The following AHCYL2 variants were observed in gnomAD, a reference collection of about 807,000 sequenced individuals.
AHCYL2 encodes the protein S-adenosylhomocysteine hydrolase-like protein 2.
AHCYL2 carries 28 observed loss-of-function variants against 81.4 expected under a neutral mutation model. The observed-to-expected ratio is 0.34, with a 90% confidence interval of 0.25 to 0.47. The LOEUF (loss-of-function observed/expected upper bound fraction) is 0.47. Among genes scored for constraint, AHCYL2 ranks in the 20% least tolerant of loss-of-function variants. AHCYL2 has a pLI of 1.00. For missense variants in AHCYL2, 551 were observed against 785.1 expected (o/e 0.70, Z 3.56); for synonymous variants, 272 against 290.2 (o/e 0.94, Z 0.64).
At chr7:129,226,358 T>G (rs775318087) in intron 1 of AHCYL2, among the ~76,000 whole-genome samples, 1 of 152,216 alleles carries the variant, frequency 6.6e-6, no homozygotes, top group Non-Finnish European at 1.5e-5. Flanking sequence ...AAGCTTGTCT[T>G]TCTTTCTCTC....
chr7:129,413,491 C>T (rs1175599533), intron 11 of AHCYL2, 103 bp from the exon 12 acceptor site: 1 of 963,666 alleles, frequency 1.0e-6, no homozygotes, highest in Non-Finnish European at 1.6e-6. Context: ...GTAAGAATTC[C>T]TTATAACAAG....
chr7:129,362,413 C>T (rs541712296), intron 1 of AHCYL2, among the ~76,000 whole-genome samples: 9 of 152,174 alleles, frequency 5.9e-5, no homozygotes, highest in African/African-American at 2.2e-4. Flanking sequence ...AAGGGCTCAA[C>T]AATGCCGGTG....
chr7:129,427,162 A>C lies in AHCYL2; in HGVS notation c.*117A>C, dbSNP rs1270605550. ...CCAATCAAAGCTGCCTGCCGTGCTC[A>C]CCCTGTGTGTTAGGTTATTTATTTA... On this transcript the variant is annotated 3_prime_UTR_variant, in exon 17 of 17. Coordinates refer to ENST00000325006, the MANE Select transcript of AHCYL2 (RefSeq NM_015328.4). The surrounding 1 kb of genome is among the most constrained non-coding windows in gnomAD (Gnocchi z 5.5). 9.4e-7 allele frequency: 1 copy of C among 1,059,724 alleles called. No homozygotes were observed. The highest frequency in any genetic ancestry group is 1.4e-6 in the Non-Finnish European group (1 of 703,776). 65.6% of individuals were successfully genotyped at this position (1,059,724 alleles called of 1,614,324 possible).
intron 1 of AHCYL2, among the ~76,000 whole-genome samples, chr7:129,271,089 G>A (rs899883937): frequency 1.3e-4 from 20 of 151,940 alleles, no homozygotes; most frequent in Admixed American, 1.2e-3. Flanking sequence ...TGGGCCGGGC[G>A]TGGTGGCTCA....
At chr7:129,408,863 AG>A (rs1460263106) in intron 10 of AHCYL2, among the ~76,000 whole-genome samples, 1 of 152,186 alleles carries the variant, frequency 6.6e-6, no homozygotes, top group Non-Finnish European at 1.5e-5. Flanking sequence ...CAAGGGGTAT[AG>A]AGTTTTAAGA....
At chr7:129,422,068 T>C (rs995758446) in intron 12 of AHCYL2, among the ~76,000 whole-genome samples, 4 of 152,230 alleles carry the variant, frequency 2.6e-5, no homozygotes, top group Admixed American at 2.6e-4. Flanking sequence ...AGAAAGAAGG[T>C]GTTGTCTTAA....
chr7:129,303,246 G>A (rs369880525), intron 1 of AHCYL2, among the ~76,000 whole-genome samples: 5 of 152,142 alleles, frequency 3.3e-5, no homozygotes, highest in Non-Finnish European at 2.9e-5. Context: ...TGATCTGCCC[G>A]CCTTGGCCTC....
chr7:129,342,778 AC>A (rs1218057713), intron 1 of AHCYL2, among the ~76,000 whole-genome samples: 1 of 152,022 alleles, frequency 6.6e-6, no homozygotes, highest in African/African-American at 2.4e-5. Flanking sequence ...CTCCCTACTC[AC>A]CTCTGTTCAC....
chr7:129,299,633 T>G (rs888901466), intron 1 of AHCYL2, among the ~76,000 whole-genome samples: 33 of 151,974 alleles, frequency 2.2e-4, no homozygotes, highest in Non-Finnish European at 4.7e-4. Flanking sequence ...TACCTCGTGA[T>G]CCACCCGCCT....
intron 1 of AHCYL2, among the ~76,000 whole-genome samples, chr7:129,364,140 G>A (rs1794024840): frequency 6.6e-6 from 1 of 151,994 alleles, no homozygotes; most frequent in African/African-American, 2.4e-5. Flanking sequence ...TCAGGAGGTT[G>A]AGGTGGCAGG....
At chr7:129,413,819 C>G in intron 12 of AHCYL2, 131 bp downstream of exon 12, 2 of 702,708 alleles carry the variant, frequency 2.8e-6, no homozygotes, top group Non-Finnish European at 4.9e-6. Context: ...CATCTTTTCA[C>G]TTACTAGCCC....
intron 1 of AHCYL2, among the ~76,000 whole-genome samples, chr7:129,259,935 G>T (rs13244886): frequency 0.025 from 3,757 of 152,140 alleles, 77 homozygotes; most frequent in Admixed American, 0.057. Context: ...AACTAGCTGG[G>T]CATGGTGGCA....
At chr7:129,238,703 G>A (rs754990512) in intron 1 of AHCYL2, among the ~76,000 whole-genome samples, 1 of 152,176 alleles carries the variant, frequency 6.6e-6, no homozygotes, top group Non-Finnish European at 1.5e-5. Context: ...TGCAATCCCA[G>A]CACTTTGGGA....
At chr7:129,327,009 A>G (rs1009434816) in intron 1 of AHCYL2, among the ~76,000 whole-genome samples, 2 of 152,200 alleles carry the variant, frequency 1.3e-5, no homozygotes, top group African/African-American at 4.8e-5. Context: ...CAGGATGACC[A>G]GCTAGAAGAT....
At chr7:129,335,222 A>C (rs1279591854) in intron 1 of AHCYL2, among the ~76,000 whole-genome samples, 1 of 152,056 alleles carries the variant, frequency 6.6e-6, no homozygotes, top group Non-Finnish European at 1.5e-5. Context: ...AAAATAAAAA[A>C]ATTAGCCTGG....
At chr7:129,387,042 T>C (rs764639272) in intron 2 of AHCYL2, among the ~76,000 whole-genome samples, 4 of 152,246 alleles carry the variant, frequency 2.6e-5, no homozygotes, top group South Asian at 2.1e-4. Context: ...GTAAACACTT[T>C]ACATACATTA....
chr7:129,229,231 C>T (rs1395800728), intron 1 of AHCYL2, among the ~76,000 whole-genome samples: 2 of 152,140 alleles, frequency 1.3e-5, no homozygotes, highest in Non-Finnish European at 2.9e-5. Context: ...CCATGCCCGG[C>T]TAATTTTCTA....
intron 1 of AHCYL2, among the ~76,000 whole-genome samples, chr7:129,334,139 T>C (rs1458586525): frequency 1.3e-5 from 2 of 152,252 alleles, no homozygotes; most frequent in African/African-American, 4.8e-5. Context: ...GTAATTTTAC[T>C]GACTTTAAGT....
chr7:129,350,464 A>G (rs997227036), intron 1 of AHCYL2, among the ~76,000 whole-genome samples: 3 of 151,410 alleles, frequency 2.0e-5, no homozygotes, highest in African/African-American at 7.3e-5. Flanking sequence ...GCTTACTGCA[A>G]CCTCTGCCTC....
Sources: gnomAD v4.1 joint callset for allele counts (sites outside exome capture counted in the v4.1 genomes callset) on GRCh38, gnomAD v4.1.1 for gene constraint, Gnocchi (gnomAD v3.1) non-coding constraint, MANE v1.5 for transcripts, NCBI Gene and HGNC (gene_info 2026-07-23, HGNC 2026-07-21) for gene names.